Variants in ONECUT1 observed in about 807,000 individuals in gnomAD.
ONECUT1 encodes one cut homeobox 1.
In ONECUT1, 12 loss-of-function variants were observed where a neutral mutation model predicts 25.6. That is an observed-to-expected ratio of 0.47 (90% CI 0.30 to 0.76). The LOEUF is 0.76. ONECUT1 is among the 30% of genes least tolerant of loss of function. ONECUT1 has a pLI of 0.07. For synonymous variants in ONECUT1, 285 were observed against 270.2 expected, an observed-to-expected ratio of 1.05 and a Z score of -0.54; for missense variants, 620 against 651.2, an observed-to-expected ratio of 0.95 and a Z score of 0.52.
intron 1 of ONECUT1, among the ~76,000 whole-genome samples, chr15:52,769,721 G>A (rs1424133703): frequency 6.6e-6 from 1 of 152,162 alleles, no homozygotes; most frequent in Non-Finnish European, 1.5e-5. Context: ...AATTAGTTGG[G>A]AGTAGGTAAT....
intron 1 of ONECUT1, among the ~76,000 whole-genome samples, chr15:52,766,050 T>C (rs1247230666): frequency 6.6e-6 from 1 of 152,160 alleles, no homozygotes; most frequent in Non-Finnish European, 1.5e-5. Flanking sequence ...AGAGCAACTA[T>C]GGAAACTCTT....
intron 1 of ONECUT1, among the ~76,000 whole-genome samples, chr15:52,769,614 T>A (rs990677108): frequency 2.0e-5 from 3 of 152,172 alleles, no homozygotes; most frequent in Non-Finnish European, 2.9e-5. Flanking sequence ...TATAACTGGG[T>A]CTGAAGTGAG....
At position 52,790,289 on chromosome 15, in the gene ONECUT1, T is replaced by G. The variant is rs1375547286; in HGVS notation, c.-405A>C. Among the ~76,000 whole-genome samples, 3 of 151,452 alleles carry G rather than the reference T, an allele frequency of 2.0e-5. No homozygotes were observed. Among genetic ancestry groups the G allele is most frequent in the African/African-American group, 4.8e-5 (2 of 41,350 alleles). On this transcript the variant is annotated 5_prime_UTR_variant, in exon 1 of 2. Transcript: ENST00000305901. ...CGGCCCGCGCGCCTGCCGCGTCTGC[T>G]GCCTGCCCGCCCCGCTGGCCAGCTT... is the stretch of plus-strand genomic sequence containing the variant.
rs2083674827 is a variant in ONECUT1, at chr15:52,756,519, T to A, written c.*1036A>T. 6.6e-6 allele frequency among the ~76,000 whole-genome samples: 1 copy of A among 152,198 alleles called. No homozygotes were observed. Among genetic ancestry groups the A allele is most frequent in the Admixed American group, 6.5e-5 (1 of 15,276 alleles). ...ACTTTGGAAAGATCCTCAGGTTTTC[T>A]CAGCTAGGAACAGATTATGGAACCA... On this transcript the variant is annotated 3_prime_UTR_variant, in exon 2 of 2. Transcript: ENST00000305901.
chr15:52,760,962 G>T (rs1378078557), intron 1 of ONECUT1, among the ~76,000 whole-genome samples: 3 of 102,956 alleles, frequency 2.9e-5, no homozygotes, highest in Non-Finnish European at 6.0e-5. Flanking sequence ...TGCTGGAAGG[G>T]TTGGTGACAG....
intron 1 of ONECUT1, among the ~76,000 whole-genome samples, chr15:52,780,118 A>T (rs1275679824): frequency 6.6e-6 from 1 of 152,160 alleles, no homozygotes; most frequent in African/African-American, 2.4e-5. Flanking sequence ...TACCATTTAA[A>T]CAAATCTTTT....
At position 52,788,898 on chromosome 15, in the gene ONECUT1, G is replaced by A; in HGVS notation, c.987C>T (p.Asp329=). The A allele has an allele frequency of 6.2e-7, 1 of 1,614,130 alleles. No homozygotes were observed. Among genetic ancestry groups the A allele is most frequent in the Non-Finnish European group, 8.5e-7 (1 of 1,180,032 alleles). The change falls in exon 1 of 2, where the codon GAC becomes GAT. Residue 329 remains aspartate (D), a synonymous_variant. Transcript: ENST00000305901. The surrounding 1 kb of genome is among the most constrained non-coding windows in gnomAD (Gnocchi z 4.3). Reference sequence around the variant, plus strand: ...TCCAGGGTTTGGGGTTGCGCAGCAGGTCCGAGAGGGTCCCCTGGGAGCGGC... The same window carrying A: ...TCCAGGGTTTGGGGTTGCGCAGCAGATCCGAGAGGGTCCCCTGGGAGCGGC... The part of the protein sequence containing the change: ...VLCRSQGTLS[D]LLRNPKPWSK...
intron 1 of ONECUT1, among the ~76,000 whole-genome samples, chr15:52,772,192 A>G (rs2083772233): frequency 6.6e-6 from 1 of 152,152 alleles, no homozygotes; most frequent in Non-Finnish European, 1.5e-5. Context: ...CAGGAGATCG[A>G]GACCATCCTG....
chr15:52,777,739 A>ACACACAC (rs1566992423), intron 1 of ONECUT1, among the ~76,000 whole-genome samples: 1 of 116,060 alleles, frequency 8.6e-6, no homozygotes, highest in African/African-American at 4.9e-5. Flanking sequence ...CACACACACA[A>ACACACAC]AAAAACATGT....
chr15:52,789,494 G>C lies in ONECUT1; in HGVS notation c.391C>G (p.His131Asp), dbSNP rs2083903276. The change falls in exon 1 of 2, where the codon CAC becomes GAC. Residue 131 changes from histidine (H) to aspartate (D), a missense_variant. Transcript: ENST00000305901. The surrounding 1 kb of genome is among the most constrained non-coding windows in gnomAD (Gnocchi z 4.1). ...TGGTGGTGGTGCGGGTGGTGGTGGTGATGGTGGTGGTGGTGATGGTGGGGG... is the reference window on the plus strand; with the variant it reads ...TGGTGGTGGTGCGGGTGGTGGTGGTCATGGTGGTGGTGGTGATGGTGGGGG... ...KFPHHHHHHH[H>D]HHHPHHHQRL... The C allele has an allele frequency of 1.9e-6, 3 of 1,612,440 alleles. No homozygotes were observed. The Admixed American group carries it at 5.0e-5, about 27-fold the overall frequency.
At position 52,789,162 on chromosome 15, in the gene ONECUT1, C is replaced by T. The variant is rs932171598; in HGVS notation, c.723G>A (p.Met241Ile). ...EQHLTPTSAG[M>I]VPINGLPPHH... Reference sequence around the variant, plus strand: ...GCGGAGGAAGGCCGTTGATGGGCACCATGCCGGCCGAGGTGGGCGTGAGGT... The same window carrying T: ...GCGGAGGAAGGCCGTTGATGGGCACTATGCCGGCCGAGGTGGGCGTGAGGT... The change falls in exon 1 of 2, where the codon ATG (methionine) becomes ATA (isoleucine). Residue 241 changes from methionine (M) to isoleucine (I), a missense_variant. Met to Ile is a conservative substitution (Grantham distance 10). Transcript: ENST00000305901. The surrounding 1 kb of genome is among the most constrained non-coding windows in gnomAD (Gnocchi z 4.1). The T allele has an allele frequency of 6.3e-7, 1 of 1,591,830 alleles. No homozygotes were observed. Among genetic ancestry groups the T allele is most frequent in the African/African-American group, 1.3e-5 (1 of 74,686 alleles).
At chr15:52,760,120 T>C (rs1596044939) in intron 1 of ONECUT1, among the ~76,000 whole-genome samples, 1 of 152,176 alleles carries the variant, frequency 6.6e-6, no homozygotes, top group East Asian at 1.9e-4. Context: ...TTATGGCCTT[T>C]TGTAACATGT....
intron 1 of ONECUT1, among the ~76,000 whole-genome samples, chr15:52,766,274 G>T (rs2083734119): frequency 6.6e-6 from 1 of 151,080 alleles, no homozygotes; most frequent in South Asian, 2.1e-4. Flanking sequence ...TGTCAGAGAG[G>T]TTAGGCAGCT....
At chr15:52,782,118 G>A (rs1343591895) in intron 1 of ONECUT1, among the ~76,000 whole-genome samples, 1 of 152,150 alleles carries the variant, frequency 6.6e-6, no homozygotes, top group Non-Finnish European at 1.5e-5. Context: ...CATGTGCCGT[G>A]GTGGTTTGCT....
intron 1 of ONECUT1, among the ~76,000 whole-genome samples, chr15:52,786,856 G>C (rs1305681563): frequency 6.6e-6 from 1 of 152,122 alleles, no homozygotes; most frequent in Non-Finnish European, 1.5e-5. Flanking sequence ...GTGGGGGATG[G>C]GGACCGAGTT....
chr15:52,765,560 G>C (rs577477847), intron 1 of ONECUT1, among the ~76,000 whole-genome samples: 1 of 135,134 alleles, frequency 7.4e-6, no homozygotes, highest in Non-Finnish European at 1.6e-5. Context: ...CAAATAAACA[G>C]ATTTCAGTAA....
chr15:52,777,733 C>CAA lies in ONECUT1; in HGVS notation c.1105+11046_1105+11047insTT, dbSNP rs1402130601. On this transcript the variant is annotated intron_variant, in intron 1 of 1. Transcript: ENST00000305901. The stretch of plus-strand genomic sequence containing the variant: ...ACACACACACACACACACACACACA[C>CAA]ACACAAAAAAACATGTAAAGTTATT... Among the ~76,000 whole-genome samples, 9 of 85,256 alleles carry CAA rather than the reference C, an allele frequency of 1.1e-4. No individual in the cohort carries two copies. The East Asian group carries it at 1.6e-3, about 15-fold the overall frequency. 55.9% of individuals were successfully genotyped at this position (85,256 alleles called of 152,430 possible). A position where few individuals can be genotyped will look rare whatever the true frequency, so the allele number is the denominator to read the frequency against.
intron 1 of ONECUT1, among the ~76,000 whole-genome samples, chr15:52,772,182 C>A (rs2083772103): frequency 6.6e-6 from 1 of 151,838 alleles, no homozygotes. Flanking sequence ...ATCATGAGGT[C>A]AGGAGATCGA....
At chr15:52,774,314 T>TATTTATTTATTTATTTA (rs71130184) in intron 1 of ONECUT1, among the ~76,000 whole-genome samples, 1 of 151,684 alleles carries the variant, frequency 6.6e-6, no homozygotes, top group Non-Finnish European at 1.5e-5. Flanking sequence ...TTTATTTATT[T>TATTTATTTATTTATTTA]TTTGAGACAG....
Sources: gnomAD v4.1 joint callset for allele counts (sites outside exome capture counted in the v4.1 genomes callset) on GRCh38, gnomAD v4.1.1 for gene constraint, Gnocchi (gnomAD v3.1) non-coding constraint, MANE v1.5 for transcripts, NCBI Gene and HGNC (gene_info 2026-07-23, HGNC 2026-07-21) for gene names.